DNAAF11: variants seen among roughly 807,000 people sequenced by gnomAD.
DNAAF11 encodes the protein leucine rich repeat containing 6.
In DNAAF11, 45 loss-of-function variants were observed where a neutral mutation model predicts 60.8. That is an observed-to-expected ratio of 0.74 (90% CI 0.58 to 0.95). The LOEUF (loss-of-function observed/expected upper bound fraction) is 0.95, where lower values mean the gene tolerates loss of function less well. Ranked by LOEUF, DNAAF11 falls within the 40% of genes least tolerant of loss-of-function variation. The probability of loss-of-function intolerance (pLI) is 0.00; values close to 1 mark genes in which losing one functional copy is unlikely to be tolerated. For synonymous variants in DNAAF11, 191 were observed against 183.5 expected (o/e 1.04, Z -0.33); for missense variants, 546 against 546.2 (o/e 1.00, Z 0.00).
intron 1 of DNAAF11, among the ~76,000 whole-genome samples, chr8:132,666,067 G>A (rs1035914588): frequency 1.2e-4 from 18 of 152,112 alleles, no homozygotes; most frequent in African/African-American, 4.1e-4. Flanking sequence ...ACATAAAGAT[G>A]GAAACAATAG....
intron 7 of DNAAF11, among the ~76,000 whole-genome samples, chr8:132,618,956 C>G (rs886304259): frequency 1.3e-5 from 2 of 151,958 alleles, no homozygotes; most frequent in African/African-American, 2.4e-5. Context: ...GGATATATAC[C>G]CAAAGGACTA....
chr8:132,590,385 C>A (rs947056863), intron 10 of DNAAF11, among the ~76,000 whole-genome samples: 6 of 152,160 alleles, frequency 3.9e-5, no homozygotes, highest in Non-Finnish European at 8.8e-5. Context: ...TGCTTTCTGC[C>A]GACACCAACT....
At chr8:132,572,889 C>T (rs910070046) in intron 11 of DNAAF11, among the ~76,000 whole-genome samples, 1 of 152,128 alleles carries the variant, frequency 6.6e-6, no homozygotes, top group Non-Finnish European at 1.5e-5. Flanking sequence ...TCTGGACCCT[C>T]CTGCTTCAGA....
At chr8:132,617,040 T>G (rs1485417403) in intron 7 of DNAAF11, among the ~76,000 whole-genome samples, 1 of 152,068 alleles carries the variant, frequency 6.6e-6, no homozygotes, top group Non-Finnish European at 1.5e-5. Context: ...ACAGTAGAGA[T>G]AGGGAGGGCT....
chr8:132,685,098 C>T, the DNAAF11 span: 1 of 152,102 alleles, frequency 6.6e-6, no homozygotes, highest in South Asian at 2.1e-4. Flanking sequence ...GTAGCAGGTG[C>T]TAAAGGCCTA....
chr8:132,689,315 A>G, the DNAAF11 span, among the ~76,000 whole-genome samples: 34 of 152,322 alleles, frequency 2.2e-4, no homozygotes, highest in African/African-American at 7.9e-4. Flanking sequence ...TGTACTTGAA[A>G]TCATAGAGAT....
In DNAAF11 at chr8:132,656,812, T is replaced by C. The variant is rs1173227878; in HGVS notation, c.256+18A>G. The C allele has an allele frequency of 1.9e-6, 2 of 1,067,528 alleles. No individual in the cohort carries two copies. Among genetic ancestry groups the C allele is most frequent in the African/African-American group, 3.2e-5 (2 of 63,070 alleles). 66.1% of individuals were successfully genotyped at this position (1,067,528 alleles called of 1,614,324 possible). The stretch of plus-strand genomic sequence containing the variant: ...TCAATTTTAATTCATAATAGCATAA[T>C]AGAAGAAACAGTCTTACCTTCCAAG... On this transcript the variant is annotated intron_variant, in intron 3 of 11. Transcript: ENST00000620350.
chr8:132,643,716 T>A (rs1229344984), intron 3 of DNAAF11: 1 of 456,064 alleles, frequency 2.2e-6, no homozygotes, highest in Non-Finnish European at 4.4e-6. Flanking sequence ...AAACAGCAGA[T>A]AAGCATGATG....
intron 1 of DNAAF11, among the ~76,000 whole-genome samples, chr8:132,670,999 C>T (rs554330603): frequency 2.0e-5 from 3 of 151,998 alleles, no homozygotes; most frequent in Non-Finnish European, 2.9e-5. Context: ...AACATTATAT[C>T]GAGCAGAGAA....
At chr8:132,676,349 A>T (rs1286847633), upstream of DNAAF11, among the ~76,000 whole-genome samples, 1 of 152,214 alleles carries the variant, frequency 6.6e-6, no homozygotes, top group African/African-American at 2.4e-5. Context: ...TCTTAGTGTT[A>T]GCACTTTAAT....
intron 8 of DNAAF11, among the ~76,000 whole-genome samples, chr8:132,612,969 A>C (rs1184004787): frequency 4.6e-5 from 7 of 152,222 alleles, no homozygotes; most frequent in African/African-American, 1.7e-4. Context: ...TGAAAAAGAA[A>C]GGGTTATACA....
intron 3 of DNAAF11, chr8:132,643,605 G>A (rs1822072699): frequency 2.2e-6 from 1 of 455,882 alleles, no homozygotes; most frequent in South Asian, 1.6e-5. Flanking sequence ...CGGAGGGTGG[G>A]TAGGAGAAAA....
At chr8:132,620,522 A>G (rs946138283) in intron 7 of DNAAF11, among the ~76,000 whole-genome samples, 4 of 151,966 alleles carry the variant, frequency 2.6e-5, no homozygotes, top group African/African-American at 9.7e-5. Context: ...TTCAGTAGAG[A>G]TGGGGTTTCA....
chr8:132,644,427 GA>G (rs1376204071), intron 3 of DNAAF11, among the ~76,000 whole-genome samples: 1 of 152,186 alleles, frequency 6.6e-6, no homozygotes, highest in Non-Finnish European at 1.5e-5. Flanking sequence ...GAGCGACACA[GA>G]AGACAGGTGA....
chr8:132,686,285 G>C, the DNAAF11 span, among the ~76,000 whole-genome samples: 1 of 152,102 alleles, frequency 6.6e-6, no homozygotes, highest in Non-Finnish European at 1.5e-5. Context: ...AGCCTGGTTT[G>C]CTCAAAGAAC....
chr8:132,628,076 C>T (rs13268124), intron 5 of DNAAF11, among the ~76,000 whole-genome samples: 8,839 of 152,196 alleles, frequency 0.058, 363 homozygotes, highest in South Asian at 0.084. Flanking sequence ...TTCAAGACAG[C>T]TCAAACCCAG....
chr8:132,692,444 G>A, the DNAAF11 span, among the ~76,000 whole-genome samples: 1 of 152,226 alleles, frequency 6.6e-6, no homozygotes, highest in Non-Finnish European at 1.5e-5. Flanking sequence ...CCATCAGCCT[G>A]ATGAGCTTCC....
chr8:132,684,432 T>C, the DNAAF11 span, among the ~76,000 whole-genome samples: 2 of 152,184 alleles, frequency 1.3e-5, no homozygotes, highest in African/African-American at 4.8e-5. Flanking sequence ...ATCACATAGG[T>C]ATAATTGATT....
the DNAAF11 span, among the ~76,000 whole-genome samples, chr8:132,683,578 C>T: frequency 6.6e-6 from 1 of 152,194 alleles, no homozygotes; most frequent in Non-Finnish European, 1.5e-5. Context: ...CTCCATCCTG[C>T]CAGTGCCCCT....
Sources: allele counts gnomAD v4.1 joint callset (sites outside exome capture counted in the v4.1 genomes callset), GRCh38; gene constraint gnomAD v4.1.1; transcripts MANE v1.5; gene names NCBI Gene and HGNC (gene_info 2026-07-23, HGNC 2026-07-21).